SLC25A20: variants seen among roughly 807,000 people sequenced by gnomAD.
SLC25A20 encodes solute carrier family 25 member 20, also known as mitochondrial carnitine/acylcarnitine carrier protein.
A neutral mutation model predicts 39.7 loss-of-function variants in SLC25A20; 29 were observed. That is an observed-to-expected ratio of 0.73 (90% CI 0.54 to 1.00). SLC25A20 has a LOEUF of 1.00. Among genes scored for constraint, SLC25A20 ranks in the 50% least tolerant of loss-of-function variants. The probability of loss-of-function intolerance (pLI) is 0.00; values close to 1 mark genes in which losing one functional copy is unlikely to be tolerated. For missense variants in SLC25A20, 333 were observed against 379.9 expected, an observed-to-expected ratio of 0.88 and a Z score of 1.03; for synonymous variants, 103 against 142.2, an observed-to-expected ratio of 0.72 and a Z score of 1.96.
At chr3:48,886,865 T>C (rs1163944250) in intron 2 of SLC25A20, among the ~76,000 whole-genome samples, 1 of 152,158 alleles carries the variant, frequency 6.6e-6, no homozygotes, top group Non-Finnish European at 1.5e-5. Flanking sequence ...TTTCTCCTTA[T>C]AGAGAGTAGC....
chr3:48,876,417 T>C (rs1220093379), intron 4 of SLC25A20, among the ~76,000 whole-genome samples: 1 of 151,840 alleles, frequency 6.6e-6, no homozygotes, highest in Non-Finnish European at 1.5e-5. Flanking sequence ...GTTTTTCTGT[T>C]TTGTTTTGTT....
chr3:48,893,571 T>C (rs2083892344), intron 1 of SLC25A20, among the ~76,000 whole-genome samples: 1 of 151,902 alleles, frequency 6.6e-6, no homozygotes, highest in African/African-American at 2.4e-5. Context: ...TCTCACTGTC[T>C]CGCCCATGCT....
At chr3:48,866,802 TC>T (rs1448309272) in intron 4 of SLC25A20, among the ~76,000 whole-genome samples, 2 of 151,890 alleles carry the variant, frequency 1.3e-5, no homozygotes, top group Admixed American at 6.6e-5. Context: ...ATTTTTTTTT[TC>T]TTTTTTTGAG....
At chr3:48,860,030 T>C (rs1169644683) in intron 5 of SLC25A20, among the ~76,000 whole-genome samples, 5 of 152,146 alleles carry the variant, frequency 3.3e-5, no homozygotes, top group Non-Finnish European at 7.3e-5. Flanking sequence ...GGGCCGGGCA[T>C]AGTGGCTCAT....
intron 4 of SLC25A20, among the ~76,000 whole-genome samples, chr3:48,873,383 G>C (rs1009719993): frequency 5.3e-5 from 8 of 151,800 alleles, no homozygotes; most frequent in Middle Eastern, 3.5e-3. Flanking sequence ...GGCCAAGGAG[G>C]GGGGATCACG....
intron 2 of SLC25A20, among the ~76,000 whole-genome samples, chr3:48,885,005 G>A (rs1559670593): frequency 6.6e-6 from 1 of 152,088 alleles, no homozygotes; most frequent in Non-Finnish European, 1.5e-5. Flanking sequence ...ATTAAGATGG[G>A]ACTTTTGTTA....
intron 5 of SLC25A20, 41 bp downstream of exon 5, chr3:48,862,501 G>T: frequency 7.6e-7 from 1 of 1,313,016 alleles, no homozygotes; most frequent in Non-Finnish European, 1.1e-6. Context: ...CACCTCAGGT[G>T]ACCTCCCCAG....
intron 6 of SLC25A20, 90 bp downstream of exon 6, chr3:48,859,465 A>C: frequency 9.0e-7 from 1 of 1,113,468 alleles, no homozygotes; most frequent in Non-Finnish European, 1.4e-6. Context: ...AGCCAGGAAC[A>C]ACAACTACTT....
At chr3:48,879,901 C>T (rs1362125137) in intron 3 of SLC25A20, among the ~76,000 whole-genome samples, 2 of 152,236 alleles carry the variant, frequency 1.3e-5, no homozygotes, top group East Asian at 3.9e-4. Flanking sequence ...AGTAGTTCCC[C>T]TCCAGTCTCA....
chr3:48,869,436 A>G (rs904550584), intron 4 of SLC25A20, among the ~76,000 whole-genome samples: 8 of 152,048 alleles, frequency 5.3e-5, no homozygotes, highest in African/African-American at 1.9e-4. Flanking sequence ...TCACGAGGTC[A>G]GGAGATTGAG....
Position 48,892,098 on chromosome 3 carries a change from C to A in SLC25A20, c.106-26G>T. On this transcript the variant is annotated intron_variant, in intron 1 of 8. Coordinates refer to ENST00000319017, the MANE Select transcript of SLC25A20 (RefSeq NM_000387.6). ...CTGAAAACAGAAGTTAAAATGCAGTCACCTACCAGAATCAGAACTGCCTGT... is the reference window on the plus strand; with the variant it reads ...CTGAAAACAGAAGTTAAAATGCAGTAACCTACCAGAATCAGAACTGCCTGT... 5 of 1,584,526 alleles carry A rather than the reference C, an allele frequency of 3.2e-6. No homozygotes were observed. In the South Asian group the frequency reaches 5.5e-5, roughly 18 times the overall value.
intron 1 of SLC25A20, 110 bp from the exon 2 acceptor site, chr3:48,892,182 T>A: frequency 3.7e-6 from 3 of 820,768 alleles, no homozygotes; most frequent in East Asian, 2.5e-5. Flanking sequence ...CCCTTGTACA[T>A]GTCTTTGGCA....
rs563361050 is a variant in SLC25A20 at position 48,867,087 on chromosome 3, G to A, written c.418-4428C>T. Reference sequence around the variant, plus strand: ...TGGGATTACAGGTGTGAGCCACCGCGCCTGGCCCATGAATGGCTAATTTTT... The same window carrying A: ...TGGGATTACAGGTGTGAGCCACCGCACCTGGCCCATGAATGGCTAATTTTT... On this transcript the variant is annotated intron_variant, in intron 4 of 8. Coordinates refer to ENST00000319017, the MANE Select transcript of SLC25A20 (RefSeq NM_000387.6). 4.7e-5 allele frequency among the ~76,000 whole-genome samples: 7 copies of A among 149,832 alleles called. No individual in the cohort carries two copies. In the South Asian group the frequency reaches 6.4e-4, roughly 14 times the overall value.
chr3:48,873,913 G>A (rs1380635890), intron 4 of SLC25A20, among the ~76,000 whole-genome samples: 3 of 143,012 alleles, frequency 2.1e-5, no homozygotes, highest in East Asian at 2.1e-4. Context: ...AGCTTGCAGC[G>A]AGCTGAGATT....
chr3:48,890,616 T>C (rs1370091290), intron 2 of SLC25A20, among the ~76,000 whole-genome samples: 1 of 151,490 alleles, frequency 6.6e-6, no homozygotes, highest in African/African-American at 2.4e-5. Context: ...TATCAATCAC[T>C]TGGATAACTC....
chr3:48,888,772 T>C (rs1369929977), intron 2 of SLC25A20, among the ~76,000 whole-genome samples: 1 of 151,736 alleles, frequency 6.6e-6, no homozygotes, highest in Non-Finnish European at 1.5e-5. Context: ...TTAGAGACTA[T>C]AATAGAGTGT....
chr3:48,893,629 G>A (rs1157097425), intron 1 of SLC25A20, among the ~76,000 whole-genome samples: 1 of 151,838 alleles, frequency 6.6e-6, no homozygotes, highest in Non-Finnish European at 1.5e-5. Context: ...CGCCTCCCAG[G>A]CTCAGGTGAT....
chr3:48,887,033 A>C (rs2083834663), intron 2 of SLC25A20, among the ~76,000 whole-genome samples: 1 of 152,130 alleles, frequency 6.6e-6, no homozygotes, highest in Non-Finnish European at 1.5e-5. Flanking sequence ...CAAAAGCCTA[A>C]ACTGCTGCAG....
chr3:48,882,215 T>C (rs2083800497), intron 3 of SLC25A20, among the ~76,000 whole-genome samples: 1 of 152,250 alleles, frequency 6.6e-6, no homozygotes, highest in Non-Finnish European at 1.5e-5. Flanking sequence ...CATTAACTAC[T>C]TTGTAAATTC....
Sources: gnomAD v4.1 joint callset for allele counts (sites outside exome capture counted in the v4.1 genomes callset) on GRCh38, gnomAD v4.1.1 for gene constraint, MANE v1.5 for transcripts, NCBI Gene and HGNC (gene_info 2026-07-23, HGNC 2026-07-21) for gene names.